The following CDH18 variants were observed in gnomAD, a reference collection of about 807,000 sequenced individuals.
CDH18 encodes cadherin 18.
In CDH18, 31 loss-of-function variants were observed where a neutral mutation model predicts 67.9. The ratio of observed to expected loss-of-function variants is 0.46; its 90% confidence interval spans 0.34 to 0.62. The LOEUF (loss-of-function observed/expected upper bound fraction) is 0.62, where lower values mean the gene tolerates loss of function less well. Ranked by LOEUF, CDH18 falls within the 20% of genes least tolerant of loss-of-function variation. The pLI, the probability that CDH18 is intolerant of heterozygous loss-of-function variation, is 0.01. For missense variants in CDH18, 890 were observed against 975.5 expected (o/e 0.91, Z 1.17); for synonymous variants, 362 against 347.2 (o/e 1.04, Z -0.48).
intron 2 of CDH18, among the ~76,000 whole-genome samples, chr5:20,216,725 C>T (rs905097986): frequency 2.0e-5 from 3 of 151,886 alleles, no homozygotes; most frequent in African/African-American, 7.2e-5. Context: ...TCAGAGAAAA[C>T]AGCAACATCA....
At chr5:20,474,898 T>C (rs1020306530) in intron 1 of CDH18, among the ~76,000 whole-genome samples, 4 of 152,232 alleles carry the variant, frequency 2.6e-5, no homozygotes, top group African/African-American at 9.6e-5. Context: ...GTTTCTTGGC[T>C]TTTTCTTTTC....
rs185684477 is a variant in CDH18, at chr5:20,427,364, G to A, written c.-580+148098C>T. On this transcript the variant is annotated intron_variant, in intron 1 of 14. Coordinates refer to the CDH18 transcript ENST00000507958. The stretch of plus-strand genomic sequence containing the variant: ...TATTTGAAGACAGCCAGGGCTAATA[G>A]AATAAACATCACATATTATCTTAAA... Among the ~76,000 whole-genome samples the A allele has an allele frequency of 1.5e-3, 225 of 151,110 alleles. 12 individuals are homozygous for A. The highest frequency in any genetic ancestry group is 5.4e-3 in the African/African-American group (219 of 40,532).
At chr5:19,764,282 G>A (rs1772777955) in intron 3 of CDH18, among the ~76,000 whole-genome samples, 1 of 151,858 alleles carries the variant, frequency 6.6e-6, no homozygotes, top group African/African-American at 2.4e-5. Context: ...TGGCTGGAGG[G>A]TAAATACTTA....
intron 11 of CDH18, among the ~76,000 whole-genome samples, chr5:19,487,768 G>C (rs1009353656): frequency 6.6e-6 from 1 of 152,060 alleles, no homozygotes; most frequent in African/African-American, 2.4e-5. Context: ...GTTTTCACAT[G>C]CATATATAAT....
chr5:19,560,632 C>A (rs1739277799), intron 8 of CDH18, among the ~76,000 whole-genome samples: 1 of 151,906 alleles, frequency 6.6e-6, no homozygotes, highest in Admixed American at 6.6e-5. Flanking sequence ...AATCAAAAAG[C>A]AAACACAACA....
chr5:20,452,517 A>C (rs1750527942), intron 1 of CDH18, among the ~76,000 whole-genome samples: 1 of 152,106 alleles, frequency 6.6e-6, no homozygotes, highest in South Asian at 2.1e-4. Flanking sequence ...GAGAAAACTA[A>C]ATACTGCACG....
At chr5:19,956,486 G>A (rs1796268719) in intron 2 of CDH18, among the ~76,000 whole-genome samples, 1 of 151,832 alleles carries the variant, frequency 6.6e-6, no homozygotes, top group African/African-American at 2.4e-5. Flanking sequence ...TCATTACAGA[G>A]TGATGCTCCT....
chr5:20,006,995 T>C (rs1453119578), intron 2 of CDH18, among the ~76,000 whole-genome samples: 2 of 151,874 alleles, frequency 1.3e-5, no homozygotes, highest in Non-Finnish European at 2.9e-5. Context: ...CAACCAAATA[T>C]TGAGTTAAAT....
intron 10 of CDH18, among the ~76,000 whole-genome samples, chr5:19,507,900 T>C (rs1200033998): frequency 6.6e-6 from 1 of 151,988 alleles, no homozygotes; most frequent in Admixed American, 6.6e-5. Context: ...GAACTTAAAG[T>C]ATAATTTAAA....
intron 10 of CDH18, 28 bp downstream of exon 10, chr5:19,520,629 A>T: frequency 6.3e-7 from 1 of 1,592,460 alleles, no homozygotes; most frequent in Non-Finnish European, 8.5e-7. Context: ...TTCCATTCAA[A>T]TGAGGAGGAA....
chr5:20,151,172 C>T (rs545033735), intron 2 of CDH18, among the ~76,000 whole-genome samples: 10 of 151,932 alleles, frequency 6.6e-5, no homozygotes, highest in South Asian at 6.2e-4. Context: ...CCTGGTAGTC[C>T]GTAGTGTCTA....
At chr5:20,006,736 A>T (rs1219618786) in intron 2 of CDH18, among the ~76,000 whole-genome samples, 1 of 152,012 alleles carries the variant, frequency 6.6e-6, no homozygotes, top group Non-Finnish European at 1.5e-5. Flanking sequence ...CATGAAACAC[A>T]GTACTTAGCT....
intron 2 of CDH18, among the ~76,000 whole-genome samples, chr5:19,966,074 C>T (rs1276494400): frequency 6.6e-6 from 1 of 152,008 alleles, no homozygotes; most frequent in Non-Finnish European, 1.5e-5. Context: ...GTTTGAACTT[C>T]GTACTATACA....
intron 7 of CDH18, among the ~76,000 whole-genome samples, chr5:19,585,834 C>T (rs987654329): frequency 6.6e-6 from 1 of 152,152 alleles, no homozygotes; most frequent in Non-Finnish European, 1.5e-5. Flanking sequence ...CTCTCCACCT[C>T]ATCACAATTA....
chr5:19,948,513 G>A (rs182697720), intron 2 of CDH18, among the ~76,000 whole-genome samples: 1 of 152,194 alleles, frequency 6.6e-6, no homozygotes, highest in Non-Finnish European at 1.5e-5. Context: ...GAAATACATA[G>A]GAGCGGTTGC....
At chr5:20,545,580 G>A (rs1703035) in intron 1 of CDH18, among the ~76,000 whole-genome samples, 2 of 152,030 alleles carry the variant, frequency 1.3e-5, no homozygotes, top group South Asian at 2.1e-4. Context: ...CAAGATATAC[G>A]TTGGCACCCT....
chr5:19,696,549 G>C (rs1289494946), intron 5 of CDH18, among the ~76,000 whole-genome samples: 1 of 150,320 alleles, frequency 6.7e-6, no homozygotes, highest in Non-Finnish European at 1.5e-5. Context: ...AAAAAAAAAA[G>C]AGCCCAGCTG....
chr5:20,144,980 G>T (rs950485915), intron 2 of CDH18, among the ~76,000 whole-genome samples: 3 of 152,030 alleles, frequency 2.0e-5, no homozygotes, highest in Non-Finnish European at 4.4e-5. Context: ...GGGGAGAGGC[G>T]TCAGAAGGAA....
At chr5:20,059,842 G>A (rs1311528540) in intron 2 of CDH18, among the ~76,000 whole-genome samples, 1 of 152,060 alleles carries the variant, frequency 6.6e-6, no homozygotes, top group Non-Finnish European at 1.5e-5. Context: ...GGATGTAGCT[G>A]GAAACCATCA....
Sources: gnomAD v4.1 joint callset for allele counts (sites outside exome capture counted in the v4.1 genomes callset) on GRCh38, gnomAD v4.1.1 for gene constraint, MANE v1.5 for transcripts, NCBI Gene and HGNC (gene_info 2026-07-23, HGNC 2026-07-21) for gene names.